The following GLDC variants were observed in gnomAD, a reference collection of about 807,000 sequenced individuals.
GLDC encodes the protein glycine decarboxylase, also known as glycine dehydrogenase (decarboxylating), mitochondrial.
GLDC carries 104 observed loss-of-function variants against 121.3 expected under a neutral mutation model. The observed-to-expected ratio is 0.86, with a 90% CI of 0.73 to 1.01. GLDC has a LOEUF of 1.01. GLDC is among the 50% of genes least tolerant of loss of function. The pLI is 0.00. For synonymous variants in GLDC, 546 were observed against 480.6 expected, an observed-to-expected ratio of 1.14 and a Z score of -1.78; for missense variants, 1,429 against 1,306.6, an observed-to-expected ratio of 1.09 and a Z score of -1.44.
chr9:6,629,854 A>C (rs1384400411), intron 2 of GLDC, among the ~76,000 whole-genome samples: 1 of 149,506 alleles, frequency 6.7e-6, no homozygotes, highest in Non-Finnish European at 1.5e-5. Flanking sequence ...TATTAGCAGA[A>C]CATCTTTGTG....
At position 6,568,654 on chromosome 9, in the gene GLDC, C is replaced by G. The variant is rs192855266; in HGVS notation, c.1851-3225G>C. Among the ~76,000 whole-genome samples, 30 of 151,960 alleles carry G rather than the reference C, an allele frequency of 2.0e-4. 1 individual carries two copies. The highest frequency in any genetic ancestry group is 6.8e-3 in the Middle Eastern group (2 of 292). ...CCTGAGATCAGGAGTTCGAGACCAG[C>G]CTGGCCAACATGGTGAAACCCCATT... On this transcript the variant is annotated intron_variant, in intron 15 of 24. Transcript: ENST00000321612.
intron 21 of GLDC, among the ~76,000 whole-genome samples, chr9:6,546,493 C>A (rs1401090378): frequency 6.6e-6 from 1 of 151,672 alleles, no homozygotes. Flanking sequence ...AGCCACAGCA[C>A]CTAGCCCCAC....
chr9:6,635,979 C>A (rs1192904427), intron 2 of GLDC, among the ~76,000 whole-genome samples: 2 of 152,112 alleles, frequency 1.3e-5, no homozygotes, highest in Non-Finnish European at 2.9e-5. Context: ...GAATGTGCAA[C>A]ACCAAGACTG....
chr9:6,640,896 C>T (rs1473375533), intron 2 of GLDC, among the ~76,000 whole-genome samples: 1 of 152,182 alleles, frequency 6.6e-6, no homozygotes, highest in African/African-American at 2.4e-5. Context: ...AAAGCTAAAA[C>T]CACTAATAAG....
At chr9:6,619,573 C>T (rs907477468) in intron 3 of GLDC, among the ~76,000 whole-genome samples, 1 of 151,980 alleles carries the variant, frequency 6.6e-6, no homozygotes, top group Non-Finnish European at 1.5e-5. Context: ...ACTAAAAATA[C>T]AAAAATTAGC....
intron 22 of GLDC, 30 bp from the exon 23 acceptor site, chr9:6,536,266 A>G: frequency 6.3e-7 from 1 of 1,598,642 alleles, no homozygotes; most frequent in South Asian, 1.1e-5. Context: ...AACTTGCCTC[A>G]CTGAAGGTCA....
intron 3 of GLDC, among the ~76,000 whole-genome samples, chr9:6,613,911 G>C (rs1818913661): frequency 6.6e-6 from 1 of 152,002 alleles, no homozygotes; most frequent in Non-Finnish European, 1.5e-5. Flanking sequence ...TGAGTAGCTG[G>C]GATTACAGGT....
intron 15 of GLDC, among the ~76,000 whole-genome samples, chr9:6,567,841 C>A (rs7870809): frequency 0.68 from 103,052 of 152,068 alleles, 35,981 homozygotes; most frequent in African/African-American, 0.82. Flanking sequence ...TAAGCTCTGA[C>A]AGTAGGGTCT....
intron 15 of GLDC, chr9:6,585,016 G>C (rs1013637410): frequency 1.3e-5 from 2 of 152,204 alleles, no homozygotes; most frequent in Non-Finnish European, 2.9e-5. Flanking sequence ...GAATCATGTA[G>C]GGAACTTTAA....
At chr9:6,560,539 A>C (rs1817732409) in intron 16 of GLDC, among the ~76,000 whole-genome samples, 1 of 152,208 alleles carries the variant, frequency 6.6e-6, no homozygotes, top group Non-Finnish European at 1.5e-5. Flanking sequence ...AGCTGGAGGC[A>C]CTGTCCTCTC....
At chr9:6,621,874 CAT>C (rs1342472133) in intron 2 of GLDC, among the ~76,000 whole-genome samples, 3 of 152,226 alleles carry the variant, frequency 2.0e-5, no homozygotes, top group South Asian at 2.1e-4. Context: ...TACCTCTCTG[CAT>C]AGAGATAGAT....
At chr9:6,595,841 T>C (rs1264880128) in intron 8 of GLDC, among the ~76,000 whole-genome samples, 3 of 152,188 alleles carry the variant, frequency 2.0e-5, no homozygotes, top group Admixed American at 6.5e-5. Context: ...CAAAATACAG[T>C]TGATGTTCAA....
intron 2 of GLDC, among the ~76,000 whole-genome samples, chr9:6,630,275 A>T (rs931223026): frequency 2.0e-5 from 3 of 152,052 alleles, no homozygotes; most frequent in Non-Finnish European, 2.9e-5. Context: ...TCTCAGAAAA[A>T]AAATAAATAA....
intron 8 of GLDC, among the ~76,000 whole-genome samples, chr9:6,601,289 T>C (rs1330244485): frequency 1.3e-5 from 2 of 152,174 alleles, no homozygotes; most frequent in Non-Finnish European, 2.9e-5. Flanking sequence ...CCTCAACCCA[T>C]TCCTGGAGAG....
At chr9:6,598,291 A>T (rs1329594781) in intron 8 of GLDC, among the ~76,000 whole-genome samples, 2 of 152,218 alleles carry the variant, frequency 1.3e-5, no homozygotes, top group East Asian at 3.9e-4. Flanking sequence ...TTGGCCTCCT[A>T]AAGTGTTGAG....
rs544299115 is a variant in GLDC, at chr9:6,635,933, T to C, written c.334+8681A>G. On this transcript the variant is annotated intron_variant, in intron 2 of 24. Transcript: ENST00000321612. ...TGTTTTAAAATAAAAATGATAATAA[T>C]GAACAGATGTTATACTACAGTTGTC... 1.5e-3 allele frequency among the ~76,000 whole-genome samples: 226 copies of C among 152,114 alleles called. 4 individuals are homozygous for C. The South Asian group carries it at 0.027, about 18-fold the overall frequency.
At chr9:6,642,077 C>T (rs1023681825) in intron 2 of GLDC, among the ~76,000 whole-genome samples, 2 of 152,198 alleles carry the variant, frequency 1.3e-5, no homozygotes, top group African/African-American at 4.8e-5. Flanking sequence ...CTCCTCCACT[C>T]TCCCAACACC....
intron 3 of GLDC, 61 bp downstream of exon 3, chr9:6,620,123 G>C: frequency 6.5e-7 from 1 of 1,531,324 alleles, no homozygotes. Flanking sequence ...GGGACAGATG[G>C]AGGATGGAGA....
At chr9:6,544,845 A>G (rs1040346873) in intron 21 of GLDC, among the ~76,000 whole-genome samples, 1 of 152,136 alleles carries the variant, frequency 6.6e-6, no homozygotes, top group African/African-American at 2.4e-5. Flanking sequence ...CACACCTGTA[A>G]TCCCAGCACT....
Sources: allele counts gnomAD v4.1 joint callset (sites outside exome capture counted in the v4.1 genomes callset), GRCh38; gene constraint gnomAD v4.1.1; transcripts MANE v1.5; gene names NCBI Gene and HGNC (gene_info 2026-07-23, HGNC 2026-07-21).